ADCY1: variants seen among roughly 807,000 people sequenced by gnomAD.
The protein encoded by ADCY1 is adenylate cyclase type 1.
In ADCY1, 28 loss-of-function variants were observed where a neutral mutation model predicts 105.4. The observed-to-expected ratio is 0.27, with a 90% CI of 0.20 to 0.36. The LOEUF is 0.36. Ranked by LOEUF, ADCY1 falls within the 10% of genes least tolerant of loss-of-function variation. ADCY1 has a pLI of 1.00. For missense variants in ADCY1, 977 were observed against 1,434.2 expected (o/e 0.68, Z 5.15); for synonymous variants, 655 against 623.8 (o/e 1.05, Z -0.75).
chr7:45,629,509 CT>C (rs34705083), intron 4 of ADCY1, among the ~76,000 whole-genome samples: 29,580 of 129,188 alleles, frequency 0.23, 2,176 homozygotes, highest in East Asian at 0.45. Context: ...GTATGCTTAA[CT>C]TTTTTTTTTT....
In ADCY1 at chr7:45,647,382, T is replaced by C. The variant is rs1235302354; in HGVS notation, c.1021-1288T>C. Among the ~76,000 whole-genome samples the C allele has an allele frequency of 6.6e-6, 1 of 152,226 alleles. No individual in the cohort carries two copies. Among genetic ancestry groups the C allele is most frequent in the African/African-American group, 2.4e-5 (1 of 41,474 alleles). On this transcript the variant is annotated intron_variant, in intron 4 of 19. Transcript: ENST00000297323. The surrounding 1 kb of genome is among the most constrained non-coding windows in gnomAD (Gnocchi z 4.6). ...GGGTCATGAGAGCTGATGATTCTCA[T>C]TCCAAATGCACTTGTGTTAACTCAG...
At chr7:45,649,715 T>C (rs1188136411) in intron 5 of ADCY1, among the ~76,000 whole-genome samples, 1 of 152,188 alleles carries the variant, frequency 6.6e-6, no homozygotes, top group Non-Finnish European at 1.5e-5. Flanking sequence ...GGGAGGAGGC[T>C]GGTACCTCAA....
rs986850948 is a variant in ADCY1 at position 45,647,186 on chromosome 7, T to C, written c.1021-1484T>C. 2.0e-5 allele frequency among the ~76,000 whole-genome samples: 3 copies of C among 152,222 alleles called. No individual in the cohort carries two copies. Among genetic ancestry groups the C allele is most frequent in the Non-Finnish European group, 4.4e-5 (3 of 68,044 alleles). ...AACAGCAGGGTCATCAGCTGTCTGC[T>C]CAGCTCTGGGAAGATACTTCCATGG... On this transcript the variant is annotated intron_variant, in intron 4 of 19. Transcript: ENST00000297323. The surrounding 1 kb of genome is among the most constrained non-coding windows in gnomAD (Gnocchi z 4.6).
chr7:45,593,909 C>T (rs1170051069), intron 2 of ADCY1, among the ~76,000 whole-genome samples: 1 of 152,170 alleles, frequency 6.6e-6, no homozygotes, highest in Non-Finnish European at 1.5e-5. Flanking sequence ...TATGTGAACA[C>T]GTAGGAGGGC....
At chr7:45,622,901 G>A (rs1433802625) in intron 4 of ADCY1, among the ~76,000 whole-genome samples, 158 bp downstream of exon 4, 1 of 152,214 alleles carries the variant, frequency 6.6e-6, no homozygotes, top group Non-Finnish European at 1.5e-5. Flanking sequence ...TAGCCTCACT[G>A]TTCATTGATT....
At chr7:45,638,612 G>A (rs1794455547) in intron 4 of ADCY1, among the ~76,000 whole-genome samples, 1 of 151,782 alleles carries the variant, frequency 6.6e-6, no homozygotes, top group Non-Finnish European at 1.5e-5. Flanking sequence ...GAGGATGTGT[G>A]TGCCTCATAT....
intron 5 of ADCY1, among the ~76,000 whole-genome samples, chr7:45,649,673 C>T (rs1046126050): frequency 1.3e-5 from 2 of 152,212 alleles, no homozygotes; most frequent in African/African-American, 4.8e-5. Flanking sequence ...ATGCAGTGCT[C>T]CTGCAGACAG....
chr7:45,648,452 G>A (rs1194818013), intron 4 of ADCY1, among the ~76,000 whole-genome samples: 1 of 152,244 alleles, frequency 6.6e-6, no homozygotes, highest in Non-Finnish European at 1.5e-5. Flanking sequence ...AGCGAGGTAT[G>A]GGGAAAGGGA....
rs1785337762 is a variant in ADCY1 at position 45,715,132 on chromosome 7, G to A, written c.*1137G>A. 1 of 152,248 alleles carries A rather than the reference G, an allele frequency of 6.6e-6. No individual in the cohort carries two copies. Among genetic ancestry groups the A allele is most frequent in the South Asian group, 2.1e-4 (1 of 4,830 alleles). The allele number at this position is 152,248 out of a possible 1,614,324, so 9.4% of individuals were successfully genotyped here. On this transcript the variant is annotated 3_prime_UTR_variant, in exon 20 of 20. Transcript: ENST00000297323. Reference sequence around the variant, plus strand: ...CGTCTGACGTCTGACAACCTCCTATGTGCATGTCTAAATAGTCACAATGAA... The same window carrying A: ...CGTCTGACGTCTGACAACCTCCTATATGCATGTCTAAATAGTCACAATGAA...
At chr7:45,678,889 A>AAAT (rs10690012) in intron 10 of ADCY1, among the ~76,000 whole-genome samples, 80,764 of 149,662 alleles carry the variant, frequency 0.54, 25,411 homozygotes, top group South Asian at 0.73. Flanking sequence ...TTGTCTCTAA[A>AAAT]AATAATAATA....
intron 4 of ADCY1, among the ~76,000 whole-genome samples, chr7:45,640,010 A>G (rs139793702): frequency 1.7e-3 from 266 of 152,320 alleles, no homozygotes; most frequent in African/African-American, 5.9e-3. Flanking sequence ...TTAAGTTAGG[A>G]TCGCTTGCAT....
intron 19 of ADCY1, among the ~76,000 whole-genome samples, chr7:45,712,024 TTATACTAAA>T (rs1785265372): frequency 8.4e-6 from 1 of 119,744 alleles, no homozygotes; most frequent in Non-Finnish European, 1.6e-5. Flanking sequence ...ATTTTATATA[TTATACTAAA>T]TATATATTTT....
At chr7:45,620,066 A>T (rs1395084043) in intron 3 of ADCY1, among the ~76,000 whole-genome samples, 3 of 152,246 alleles carry the variant, frequency 2.0e-5, no homozygotes, top group Admixed American at 2.0e-4. Context: ...GTTAAGCCTT[A>T]AAAAAGGAAA....
Position 45,592,837 on chromosome 7 carries a change from A to T in ADCY1, c.718A>T (p.Arg240Trp). 2 of 1,614,204 alleles carry T rather than the reference A, an allele frequency of 1.2e-6. No individual in the cohort carries two copies. The highest frequency in any genetic ancestry group is 1.7e-6 in the Non-Finnish European group (2 of 1,180,040). ...FVRILTERSQRKAFLQARSCI... is the reference protein window; with the variant it reads ...FVRILTERSQWKAFLQARSCI... ...GCGGATTCTGACTGAGCGTTCACAG[A>T]GGAAGGCGTTCCTGCAGGCCCGGAG... The change falls in exon 2 of 20, where the codon AGG (arginine) becomes TGG (tryptophan). Residue 240 changes from arginine (R) to tryptophan (W), a missense_variant. Physicochemically the swap from Arg to Trp is moderately radical, Grantham distance 101. Around this residue, in one of 7 missense-constraint regions of ADCY1, gnomAD observed 196 missense variants for 347.8 expected, o/e 0.56. Coordinates refer to ENST00000297323, the MANE Select transcript of ADCY1 (RefSeq NM_021116.4).
intron 4 of ADCY1, among the ~76,000 whole-genome samples, chr7:45,646,485 A>G (rs1351180645): frequency 6.6e-6 from 1 of 152,190 alleles, no homozygotes; most frequent in Non-Finnish European, 1.5e-5. Context: ...AGGCCATGTC[A>G]TTGCTGCAGT....
chr7:45,602,407 C>G (rs1040686105), intron 2 of ADCY1, among the ~76,000 whole-genome samples: 117 of 152,138 alleles, frequency 7.7e-4, no homozygotes, highest in African/African-American at 2.8e-3. Context: ...GAGTTCAGCT[C>G]CCTCTTCCAT....
chr7:45,688,063 G>T (rs147924502), intron 14 of ADCY1, among the ~76,000 whole-genome samples: 2,586 of 152,292 alleles, frequency 0.017, 61 homozygotes, highest in South Asian at 0.096. Context: ...TTTTGTCTTT[G>T]TTCCTGAGGC....
chr7:45,681,446 G>A (rs569085932), intron 11 of ADCY1, among the ~76,000 whole-genome samples: 4 of 152,280 alleles, frequency 2.6e-5, no homozygotes, highest in Non-Finnish European at 5.9e-5. Flanking sequence ...AGCATAGAGC[G>A]TTTTTTCCTA....
chr7:45,686,801 C>A lies in ADCY1; in HGVS notation c.2454+128C>A. 7.4e-7 allele frequency: 1 copy of A among 1,356,810 alleles called. No individual in the cohort carries two copies. The highest frequency in any genetic ancestry group is 9.8e-7 in the Non-Finnish European group (1 of 1,022,864). 84.0% of individuals were successfully genotyped at this position (1,356,810 alleles called of 1,614,324 possible). ...ATGGCCCTCGGAGGGCCCTCCTCAGCAGCATGCAAGCCAGGCACTGTCCGG... is the reference window on the plus strand; with the variant it reads ...ATGGCCCTCGGAGGGCCCTCCTCAGAAGCATGCAAGCCAGGCACTGTCCGG... On this transcript the variant is annotated intron_variant, in intron 14 of 19. Coordinates refer to ENST00000297323, the MANE Select transcript of ADCY1 (RefSeq NM_021116.4). This position sits in a 1 kb window ranked among gnomAD's most constrained non-coding sequence, Gnocchi z 4.3.
Sources: gnomAD v4.1 joint callset for allele counts (sites outside exome capture counted in the v4.1 genomes callset) on GRCh38, gnomAD v4.1.1 for gene constraint, gnomAD v4.1.1 regional missense constraint, Gnocchi (gnomAD v3.1) non-coding constraint, MANE v1.5 for transcripts, NCBI Gene and HGNC (gene_info 2026-07-23, HGNC 2026-07-21) for gene names.